Variants in HOXA3 observed in about 807,000 individuals in gnomAD.
The protein encoded by HOXA3 is homeobox A3, also known as homeobox protein Hox-A3.
A neutral mutation model predicts 30.3 loss-of-function variants in HOXA3; 8 were observed. The observed-to-expected ratio is 0.26, with a 90% CI of 0.15 to 0.48. The LOEUF is 0.48. Ranked by LOEUF, HOXA3 falls within the 20% of genes least tolerant of loss-of-function variation. The probability of loss-of-function intolerance (pLI) is 0.99; values close to 1 mark genes in which losing one functional copy is unlikely to be tolerated. For synonymous variants in HOXA3, 323 were observed against 273.1 expected (o/e 1.18, Z -1.80); for missense variants, 653 against 614.4 (o/e 1.06, Z -0.66).
chr7:27,118,876 C>T (rs1784869416), intron 4 of HOXA3, among the ~76,000 whole-genome samples: 2 of 152,144 alleles, frequency 1.3e-5, no homozygotes, highest in African/African-American at 4.8e-5. Flanking sequence ...ACTACAGACG[C>T]AAGAAACACC....
Position 27,107,813 on chromosome 7 carries a change from G to A in HOXA3, c.*102C>T. On this transcript the variant is annotated 3_prime_UTR_variant, in exon 6 of 6. Coordinates refer to ENST00000612286, the MANE Select transcript of HOXA3 (RefSeq NM_153631.3). ...GCGGAGAAGAGAGAAAAGGAAGGAA[G>A]GAAAGGGCAGGAAGAACCTAAAAAA... is the stretch of plus-strand genomic sequence containing the variant. The A allele has an allele frequency of 1.3e-6, 1 of 764,608 alleles. No homozygotes were observed. Among genetic ancestry groups the A allele is most frequent in the Non-Finnish European group, 2.0e-6 (1 of 510,922 alleles). 47.4% of individuals were successfully genotyped at this position (764,608 alleles called of 1,614,324 possible).
intron 2 of HOXA3, chr7:27,134,147 A>C (rs530917108): frequency 6.6e-6 from 1 of 152,364 alleles, no homozygotes; most frequent in South Asian, 2.1e-4. Flanking sequence ...GGAATGGCAG[A>C]ATTTCAAAAC....
At chr7:27,142,105 G>A (rs749882355) in intron 1 of HOXA3, 2 of 1,606,164 alleles carry the variant, frequency 1.2e-6, no homozygotes, top group Non-Finnish European at 8.5e-7. Context: ...AAAAGTCAGC[G>A]GTTTAGCCAC....
At chr7:27,146,638 T>C (rs1782777617) in intron 1 of HOXA3, among the ~76,000 whole-genome samples, 2 of 152,068 alleles carry the variant, frequency 1.3e-5, no homozygotes, top group South Asian at 4.1e-4. Context: ...TGTAGGATTG[T>C]GTTGGGCTGT....
At chr7:27,137,974 C>T (rs1785764718) in intron 2 of HOXA3, among the ~76,000 whole-genome samples, 1 of 151,914 alleles carries the variant, frequency 6.6e-6, no homozygotes, top group South Asian at 2.1e-4. Context: ...TAATTTCAAT[C>T]ACCAAGAAAT....
intron 1 of HOXA3, among the ~76,000 whole-genome samples, chr7:27,149,450 C>T (rs954159084): frequency 2.2e-4 from 33 of 152,160 alleles, no homozygotes; most frequent in Admixed American, 6.5e-4. Context: ...TAGTCTCTTC[C>T]TTGCTTTTCA....
chr7:27,143,358 G>C, intron 1 of HOXA3: 2 of 1,583,350 alleles, frequency 1.3e-6, no homozygotes, highest in Non-Finnish European at 1.7e-6. Flanking sequence ...CTGTACCTGG[G>C]CTCGGCGGGC....
chr7:27,129,388 C>T lies in HOXA3; in HGVS notation c.-389-2318G>A, dbSNP rs765350240. 1.5e-5 allele frequency: 24 copies of T among 1,614,034 alleles called. No homozygotes were observed. Among genetic ancestry groups the T allele is most frequent in the Middle Eastern group, 1.6e-4 (1 of 6,084 alleles). ...TTTGTGGTCTTTCTTCCACTTCATCCTCCGGTTCTGAAACCAGATCTTGAC... is the reference window on the plus strand; with the variant it reads ...TTTGTGGTCTTTCTTCCACTTCATCTTCCGGTTCTGAAACCAGATCTTGAC... On this transcript the variant is annotated intron_variant, in intron 2 of 5. Coordinates refer to ENST00000612286, the MANE Select transcript of HOXA3 (RefSeq NM_153631.3).
At chr7:27,135,985 A>T (rs575508608) in intron 2 of HOXA3, among the ~76,000 whole-genome samples, 56 of 152,356 alleles carry the variant, frequency 3.7e-4, no homozygotes, top group South Asian at 1.5e-3. Context: ...GAGGTCATTC[A>T]ACCACTAGGG....
At position 27,152,549 on chromosome 7, in the gene HOXA3, C is replaced by A. The variant is rs1343990271; in HGVS notation, c.-755G>T. On this transcript the variant is annotated 5_prime_UTR_variant, in exon 1 of 6. Coordinates refer to ENST00000612286, the MANE Select transcript of HOXA3 (RefSeq NM_153631.3). ...CGAGCCCGGCTGGAAGGCAGAGCTCCGAAGCAGGCAGGACGGAGCGGAGCA... is the reference window on the plus strand; with the variant it reads ...CGAGCCCGGCTGGAAGGCAGAGCTCAGAAGCAGGCAGGACGGAGCGGAGCA... The A allele has an allele frequency of 1.7e-6, 2 of 1,183,018 alleles. No individual in the cohort carries two copies. The highest frequency in any genetic ancestry group is 1.6e-5 in the African/African-American group (1 of 62,116). 73.3% of individuals were successfully genotyped at this position (1,183,018 alleles called of 1,614,324 possible).
At chr7:27,130,635 G>A in intron 2 of HOXA3, 2 of 1,586,746 alleles carry the variant, frequency 1.3e-6, no homozygotes, top group South Asian at 1.1e-5. Context: ...CCGGGCCGCC[G>A]TCTGCGCCGC....
chr7:27,122,535 G>T (rs899237778), intron 4 of HOXA3, 24 bp downstream of exon 4: 1 of 152,236 alleles, frequency 6.6e-6, no homozygotes, highest in Admixed American at 6.5e-5. Context: ...CCCACGCGGC[G>T]AAGAGTTTTG....
intron 1 of HOXA3, among the ~76,000 whole-genome samples, chr7:27,146,237 GTGTGTGTGTGTGTT>G (rs1185384587): frequency 1.0e-5 from 1 of 96,414 alleles, no homozygotes; most frequent in Non-Finnish European, 2.2e-5. Context: ...GGGATGCAGG[GTGTGTGTGTGTGTT>G]TGTGTGTGTG....
At chr7:27,148,280 G>T (rs1424622940) in intron 1 of HOXA3, among the ~76,000 whole-genome samples, 1 of 152,390 alleles carries the variant, frequency 6.6e-6, no homozygotes, top group South Asian at 2.1e-4. Context: ...CTCCAGGCAC[G>T]GCCCAGAGTT....
At chr7:27,145,692 C>T in intron 1 of HOXA3, 4 of 1,614,174 alleles carry the variant, frequency 2.5e-6, no homozygotes, top group Non-Finnish European at 3.4e-6. Flanking sequence ...GTCCTCCCCG[C>T]TGGGCTGCGT....
rs1449547491 is a variant in HOXA3, at chr7:27,108,377, C to T, written c.870G>A (p.Glu290=). ...MHSLVNSVPY[E]PQSPPPFSKP... is the part of the protein sequence containing the mutation. ...TGGAGAAGGGCGGGGGCGACTGGGG[C>T]TCATACGGGACGCTGTTGACCAGCG... Residue 290 remains glutamate, a synonymous_variant, in exon 6 of 6, where the codon GAG becomes GAA. Transcript: ENST00000612286. This position sits in a 1 kb window ranked among gnomAD's most constrained non-coding sequence, Gnocchi z 5.0. 4 of 1,580,630 alleles carry T rather than the reference C, an allele frequency of 2.5e-6. No individual in the cohort carries two copies. Among genetic ancestry groups the T allele is most frequent in the African/African-American group, 1.3e-5 (1 of 74,380 alleles).
intron 2 of HOXA3, chr7:27,129,460 C>A (rs747298079): frequency 6.2e-7 from 1 of 1,614,156 alleles, no homozygotes; most frequent in Non-Finnish European, 8.5e-7. Context: ...GATGCGGCGC[C>A]GCCGGGTCAG....
intron 1 of HOXA3, chr7:27,151,725 A>G (rs1782979155): frequency 2.2e-6 from 1 of 456,262 alleles, no homozygotes; most frequent in African/African-American, 2.0e-5. Flanking sequence ...CTCTGAAACC[A>G]ATTCCCACGG....
intron 1 of HOXA3, chr7:27,143,226 C>T (rs771987984): frequency 6.2e-7 from 1 of 1,609,940 alleles, no homozygotes; most frequent in Non-Finnish European, 8.5e-7. Flanking sequence ...TCGGCCGAGG[C>T]GCCGCTGGAG....
Sources: allele counts gnomAD v4.1 joint callset (sites outside exome capture counted in the v4.1 genomes callset), GRCh38; gene constraint gnomAD v4.1.1; non-coding constraint Gnocchi (gnomAD v3.1); transcripts MANE v1.5; gene names NCBI Gene and HGNC (gene_info 2026-07-23, HGNC 2026-07-21).